ABLIM3: variants seen among roughly 807,000 people sequenced by gnomAD.
The protein encoded by ABLIM3 is actin binding LIM protein family member 3.
ABLIM3 carries 61 observed loss-of-function variants against 109.5 expected under a neutral mutation model. The ratio of observed to expected loss-of-function variants is 0.56; its 90% CI spans 0.45 to 0.69. The LOEUF is 0.69. Ranked by LOEUF, ABLIM3 falls within the 30% of genes least tolerant of loss-of-function variation. ABLIM3 has a pLI of 0.00. For synonymous variants in ABLIM3, 300 were observed against 324.8 expected, an observed-to-expected ratio of 0.92 and a Z score of 0.82; for missense variants, 796 against 889.5, an observed-to-expected ratio of 0.89 and a Z score of 1.34.
Position 149,251,385 on chromosome 5 carries a change from C to T in ABLIM3, c.1815C>T (p.Tyr605=), listed in dbSNP as rs1581247584. 16 of 1,614,038 alleles carry T rather than the reference C, an allele frequency of 9.9e-6. No individual in the cohort carries two copies. The East Asian group carries it at 2.0e-4, about 20-fold the overall frequency. ...CACCCAGCGCAGACCTCTTCCACTA[C>T]GACAGCATGAACGCAGTCAACTGGG... ...HRTPSADLFH[Y]DSMNAVNWGM... Residue 605 remains tyrosine (Y), a synonymous_variant, in exon 21 of 24, where the codon TAC becomes TAT. Coordinates refer to ENST00000309868, the MANE Select transcript of ABLIM3 (RefSeq NM_014945.5).
At chr5:149,157,726 C>A (rs1753977888) in intron 2 of ABLIM3, among the ~76,000 whole-genome samples, 1 of 151,738 alleles carries the variant, frequency 6.6e-6, no homozygotes, top group African/African-American at 2.4e-5. Context: ...TGTGGGAATA[C>A]CAGTGGCCAT....
Position 149,237,550 on chromosome 5 carries a change from C to T in ABLIM3, c.991C>T (p.Pro331Ser). Reference protein sequence around the residue: ...VQRPDLISYEPHSRYMSDEML... With the variant: ...VQRPDLISYESHSRYMSDEML... ...ACGCCCCGACCTCATTTCCTATGAGCCTCATTCCAGATACATGTCCGACGA... is the reference window on the plus strand; with the variant it reads ...ACGCCCCGACCTCATTTCCTATGAGTCTCATTCCAGATACATGTCCGACGA... The change falls in exon 11 of 24, where the codon CCT becomes TCT. Residue 331 changes from proline (P) to serine (S), a missense_variant. Physicochemically the swap from Pro to Ser is moderately conservative, Grantham distance 74. Coordinates refer to ENST00000309868, the MANE Select transcript of ABLIM3 (RefSeq NM_014945.5). The T allele has an allele frequency of 6.2e-7, 1 of 1,614,186 alleles. No individual in the cohort carries two copies. Among genetic ancestry groups the T allele is most frequent in the Non-Finnish European group, 8.5e-7 (1 of 1,180,040 alleles).
At position 149,227,989 on chromosome 5, in the gene ABLIM3, C is replaced by T. The variant is rs60251281; in HGVS notation, c.758-2660C>T. ...AATGGGTGGGGCAAATAATTATCTT[C>T]TCGGTACAGTAAAACCTGTTAAGAT... is the stretch of plus-strand genomic sequence containing the variant. On this transcript the variant is annotated intron_variant, in intron 8 of 23. Coordinates refer to ENST00000309868, the MANE Select transcript of ABLIM3 (RefSeq NM_014945.5). Among the ~76,000 whole-genome samples, 349 of 152,224 alleles carry T rather than the reference C, an allele frequency of 2.3e-3. 9 individuals are homozygous for T. The East Asian group carries it at 0.033, about 14-fold the overall frequency.
chr5:149,253,217 C>T (rs1432113764), intron 23 of ABLIM3, among the ~76,000 whole-genome samples: 2 of 152,326 alleles, frequency 1.3e-5, no homozygotes, highest in South Asian at 2.1e-4. Flanking sequence ...TTGCTCCCTG[C>T]CCCCAAGGGG....
In ABLIM3 at chr5:149,183,457, T is replaced by C. The variant is rs780334085; in HGVS notation, c.19T>C (p.Tyr7His). 2 of 1,553,748 alleles carry C rather than the reference T, an allele frequency of 1.3e-6. No homozygotes were observed. The highest frequency in any genetic ancestry group is 1.7e-6 in the Non-Finnish European group (2 of 1,151,534). ...TCTCTTTGTTTCTTTTACAGTTCCT[T>C]ATCAGCAGAATCCTTACAATCCACG... Reference protein sequence around the residue: MNTSIPYQQNPYNPRGS... With the variant: MNTSIPHQQNPYNPRGS... The change falls in exon 3 of 24, where the codon TAT (tyrosine) becomes CAT (histidine). Residue 7 changes from tyrosine to histidine, a missense_variant. Tyr to His is a moderately conservative substitution (Grantham distance 83). Coordinates refer to ENST00000309868, the MANE Select transcript of ABLIM3 (RefSeq NM_014945.5).
chr5:149,242,612 G>A, intron 15 of ABLIM3, 74 bp downstream of exon 15: 1 of 1,496,810 alleles, frequency 6.7e-7, no homozygotes, highest in Non-Finnish European at 9.3e-7. Flanking sequence ...AGATGGCCCT[G>A]CACAGGCCAC....
chr5:149,178,174 C>A (rs1756133958), intron 2 of ABLIM3, among the ~76,000 whole-genome samples: 1 of 152,236 alleles, frequency 6.6e-6, no homozygotes, highest in Non-Finnish European at 1.5e-5. Context: ...ACCAGATCCT[C>A]TCATGTACAA....
intron 7 of ABLIM3, among the ~76,000 whole-genome samples, chr5:149,213,158 G>C (rs1385625105): frequency 6.6e-6 from 1 of 152,142 alleles, no homozygotes; most frequent in Non-Finnish European, 1.5e-5. Context: ...TCAGAGCTCA[G>C]GAACAAAGCT....
chr5:149,182,391 C>G (rs1039145657), intron 2 of ABLIM3, among the ~76,000 whole-genome samples: 5 of 152,106 alleles, frequency 3.3e-5, no homozygotes, highest in Non-Finnish European at 5.9e-5. Context: ...ATGAGTAATT[C>G]TCTCCCCAGT....
chr5:149,169,175 G>A (rs915317847), intron 2 of ABLIM3, among the ~76,000 whole-genome samples: 9 of 139,924 alleles, frequency 6.4e-5, no homozygotes, highest in African/African-American at 1.5e-4. Flanking sequence ...CTGCGTAGAC[G>A]CTAGAATGTT....
At chr5:149,154,977 C>G (rs926264000) in intron 2 of ABLIM3, among the ~76,000 whole-genome samples, 1 of 152,128 alleles carries the variant, frequency 6.6e-6, no homozygotes, top group East Asian at 1.9e-4. Flanking sequence ...CTCCAAATCA[C>G]AAAGTTAAGA....
At chr5:149,155,399 T>C (rs1000155921) in intron 2 of ABLIM3, among the ~76,000 whole-genome samples, 3 of 152,222 alleles carry the variant, frequency 2.0e-5, no homozygotes, top group African/African-American at 4.8e-5. Context: ...GACCTCAGAC[T>C]GCTTCCATCC....
At chr5:149,210,171 C>G (rs1759397697) in intron 6 of ABLIM3, among the ~76,000 whole-genome samples, 1 of 152,188 alleles carries the variant, frequency 6.6e-6, no homozygotes, top group South Asian at 2.1e-4. Flanking sequence ...CTCAGTATGG[C>G]TAGGCACTGT....
chr5:149,163,008 C>T (rs1229125167), intron 2 of ABLIM3, among the ~76,000 whole-genome samples: 1 of 152,192 alleles, frequency 6.6e-6, no homozygotes, highest in Admixed American at 6.5e-5. Context: ...CTTTCTCCTG[C>T]CGGAGGGGAG....
intron 10 of ABLIM3, among the ~76,000 whole-genome samples, chr5:149,233,937 C>G (rs1762109982): frequency 6.6e-6 from 1 of 152,202 alleles, no homozygotes; most frequent in Non-Finnish European, 1.5e-5. Flanking sequence ...AGTTCAATGA[C>G]CTCAGAGGCC....
At chr5:149,189,004 C>T (rs1253271651) in intron 3 of ABLIM3, among the ~76,000 whole-genome samples, 1 of 152,098 alleles carries the variant, frequency 6.6e-6, no homozygotes, top group East Asian at 1.9e-4. Flanking sequence ...GTGGTACTAG[C>T]ACAAGGATAG....
chr5:149,188,726 A>G (rs1349296840), intron 3 of ABLIM3, among the ~76,000 whole-genome samples: 2 of 152,196 alleles, frequency 1.3e-5, no homozygotes, highest in Non-Finnish European at 2.9e-5. Flanking sequence ...TATCACACAA[A>G]GGCCCATCTC....
At chr5:149,245,387 A>C (rs554873813) in intron 16 of ABLIM3, among the ~76,000 whole-genome samples, 1 of 152,226 alleles carries the variant, frequency 6.6e-6, no homozygotes, top group African/African-American at 2.4e-5. Context: ...AGGATGTAAC[A>C]CAGCAGAGAG....
chr5:149,160,269 A>G (rs1754222392), intron 2 of ABLIM3, among the ~76,000 whole-genome samples: 1 of 152,088 alleles, frequency 6.6e-6, no homozygotes, highest in African/African-American at 2.4e-5. Context: ...AGCCTGGCCA[A>G]CATGGTAAAA....
Sources: gnomAD v4.1 joint callset for allele counts (sites outside exome capture counted in the v4.1 genomes callset) on GRCh38, gnomAD v4.1.1 for gene constraint, MANE v1.5 for transcripts, NCBI Gene and HGNC (gene_info 2026-07-23, HGNC 2026-07-21) for gene names.